The following SEL1L2 variants were observed in gnomAD, a reference collection of about 807,000 sequenced individuals.
SEL1L2 encodes the protein protein sel-1 homolog 2.
Under a neutral mutation model 98.8 loss-of-function variants are expected in SEL1L2, and 89 were observed. The observed-to-expected ratio is 0.90, with a 90% CI of 0.76 to 1.07. The LOEUF is 1.07. Among genes scored for constraint, SEL1L2 ranks in the 50% least tolerant of loss-of-function variants. The pLI is 0.00. For synonymous variants in SEL1L2, 262 were observed against 278.5 expected, an observed-to-expected ratio of 0.94 and a Z score of 0.59; for missense variants, 788 against 812.0, an observed-to-expected ratio of 0.97 and a Z score of 0.36.
chr20:13,869,489 T>C lies in SEL1L2; in HGVS notation c.1255+14A>G, dbSNP rs2046081651. ...TGTCATTCTAAATAAAGCAGCTGTATTTGTGGCACTTACAGTAGTACATGA... is the reference window on the plus strand; with the variant it reads ...TGTCATTCTAAATAAAGCAGCTGTACTTGTGGCACTTACAGTAGTACATGA... On this transcript the variant is annotated intron_variant, in intron 14 of 19. Coordinates refer to ENST00000284951, the MANE Select transcript of SEL1L2 (RefSeq NM_025229.2). The C allele has an allele frequency of 8.8e-6, 14 of 1,590,126 alleles. No homozygotes were observed. The highest frequency in any genetic ancestry group is 1.1e-5 in the Non-Finnish European group (13 of 1,158,178).
At chr20:13,988,842 G>A (rs1419093446) in intron 1 of SEL1L2, among the ~76,000 whole-genome samples, 5 of 152,030 alleles carry the variant, frequency 3.3e-5, no homozygotes, top group African/African-American at 7.2e-5. Context: ...ATAAAACCCC[G>A]TCTCTACTAA....
rs369865335 is a variant in SEL1L2 at position 13,894,069 on chromosome 20, A to G, written c.550-5557T>C. Among the ~76,000 whole-genome samples, 6 of 152,274 alleles carry G rather than the reference A, an allele frequency of 3.9e-5. No homozygotes were observed. In the East Asian group the frequency reaches 7.7e-4, roughly 20 times the overall value. On this transcript the variant is annotated intron_variant, in intron 5 of 19. Transcript: ENST00000284951. Reference sequence around the variant, plus strand: ...CTAAGAGGGAAGTTTAGAGCAGTATATAATATAAAATGCATTACTAAAGAA... The same window carrying G: ...CTAAGAGGGAAGTTTAGAGCAGTATGTAATATAAAATGCATTACTAAAGAA...
intron 8 of SEL1L2, among the ~76,000 whole-genome samples, chr20:13,886,817 G>A (rs557277396): frequency 8.2e-4 from 124 of 152,082 alleles, no homozygotes; most frequent in Middle Eastern, 3.4e-3. Context: ...GAACCCAGGA[G>A]GCAGAGGCTG....
chr20:13,917,049 G>T (rs965763767), intron 4 of SEL1L2, among the ~76,000 whole-genome samples: 5 of 152,030 alleles, frequency 3.3e-5, no homozygotes, highest in Admixed American at 2.0e-4. Flanking sequence ...TGTCCCATTG[G>T]GCCAAATCCA....
At chr20:13,992,352 A>G (rs895884954), upstream of SEL1L2, among the ~76,000 whole-genome samples, 1 of 151,996 alleles carries the variant, frequency 6.6e-6, no homozygotes, top group Non-Finnish European at 1.5e-5. Flanking sequence ...AAAAATACAA[A>G]AATTAGCCGG....
chr20:13,867,036 A>C (rs1406826503), intron 14 of SEL1L2, among the ~76,000 whole-genome samples, 186 bp from the exon 15 acceptor site: 1 of 152,206 alleles, frequency 6.6e-6, no homozygotes, highest in Non-Finnish European at 1.5e-5. Flanking sequence ...GTTCTAAGTA[A>C]GAATATGGAA....
chr20:13,954,085 G>A (rs774213347), intron 2 of SEL1L2, among the ~76,000 whole-genome samples: 3 of 151,826 alleles, frequency 2.0e-5, no homozygotes, highest in Non-Finnish European at 4.4e-5. Context: ...AGTTTTTGTC[G>A]GGGAATGGAG....
intron 2 of SEL1L2, among the ~76,000 whole-genome samples, chr20:13,951,308 G>GAAATAAAT (rs368161101): frequency 8.6e-6 from 1 of 115,670 alleles, no homozygotes; most frequent in Non-Finnish European, 1.7e-5. Context: ...AAGAAAGAAA[G>GAAATAAAT]AAAGAAAATA....
chr20:13,946,140 A>G (rs1401354230), intron 2 of SEL1L2, among the ~76,000 whole-genome samples: 1 of 152,196 alleles, frequency 6.6e-6, no homozygotes, highest in Non-Finnish European at 1.5e-5. Flanking sequence ...TTAGGAAATA[A>G]ATTTATCTAG....
intron 3 of SEL1L2, among the ~76,000 whole-genome samples, chr20:13,926,290 G>A (rs1170965390): frequency 6.6e-6 from 1 of 151,938 alleles, no homozygotes; most frequent in Non-Finnish European, 1.5e-5. Context: ...ACTCCAGCCT[G>A]GGCGACAGAG....
chr20:13,932,955 G>A (rs1421273081), intron 2 of SEL1L2, among the ~76,000 whole-genome samples: 4 of 151,998 alleles, frequency 2.6e-5, no homozygotes, highest in Non-Finnish European at 5.9e-5. Flanking sequence ...GCTTACATCT[G>A]CCAGCATTTT....
chr20:13,976,504 A>G (rs1315481286), intron 1 of SEL1L2, among the ~76,000 whole-genome samples: 1 of 152,210 alleles, frequency 6.6e-6, no homozygotes, highest in African/African-American at 2.4e-5. Flanking sequence ...TTAGCTAGGT[A>G]TACTGAGTAG....
chr20:13,960,966 C>T (rs1305442066), intron 1 of SEL1L2, among the ~76,000 whole-genome samples: 2 of 152,100 alleles, frequency 1.3e-5, no homozygotes, highest in African/African-American at 2.4e-5. Context: ...GTAGAGTTAG[C>T]CTTGGAAGGG....
chr20:13,953,804 G>A (rs188948459), intron 2 of SEL1L2, among the ~76,000 whole-genome samples: 5 of 152,056 alleles, frequency 3.3e-5, no homozygotes, highest in Non-Finnish European at 7.4e-5. Flanking sequence ...TTTCATGGTC[G>A]TGTGACAAGG....
intron 5 of SEL1L2, among the ~76,000 whole-genome samples, chr20:13,888,961 C>CTT (rs35149100): frequency 1.6e-5 from 2 of 127,980 alleles, no homozygotes; most frequent in Admixed American, 7.9e-5. Flanking sequence ...CTTTTCTTTT[C>CTT]TTTTTTTTTT....
chr20:13,922,632 T>TA (rs1446521801), intron 3 of SEL1L2, among the ~76,000 whole-genome samples: 1 of 152,222 alleles, frequency 6.6e-6, no homozygotes, highest in Non-Finnish European at 1.5e-5. Flanking sequence ...TTCCCATTTT[T>TA]ATCCCTTTGT....
At chr20:13,857,140 G>T (rs1436008344) in intron 18 of SEL1L2, among the ~76,000 whole-genome samples, 1 of 151,286 alleles carries the variant, frequency 6.6e-6, no homozygotes, top group African/African-American at 2.4e-5. Context: ...AAAGGGCAAT[G>T]GTCCCTCATT....
At chr20:13,906,701 C>A (rs1273742080) in intron 5 of SEL1L2, among the ~76,000 whole-genome samples, 1 of 152,060 alleles carries the variant, frequency 6.6e-6, no homozygotes, top group African/African-American at 2.4e-5. Context: ...TTTTTTGAGA[C>A]AGCGTCTCAC....
At chr20:13,949,015 G>T (rs1216337594) in intron 2 of SEL1L2, among the ~76,000 whole-genome samples, 1 of 152,082 alleles carries the variant, frequency 6.6e-6, no homozygotes, top group East Asian at 1.9e-4. Flanking sequence ...AACACCAAAA[G>T]CCCAGGCAAC....
Sources: gnomAD v4.1 joint callset for allele counts (sites outside exome capture counted in the v4.1 genomes callset) on GRCh38, gnomAD v4.1.1 for gene constraint, MANE v1.5 for transcripts, NCBI Gene and HGNC (gene_info 2026-07-23, HGNC 2026-07-21) for gene names.